The following RIT2 variants were observed in gnomAD, a reference collection of about 807,000 sequenced individuals.
The protein encoded by RIT2 is Ras like without CAAX 2.
A neutral mutation model predicts 23.7 loss-of-function variants in RIT2; 24 were observed. The ratio of observed to expected loss-of-function variants is 1.01; its 90% CI spans 0.73 to 1.43. The LOEUF (loss-of-function observed/expected upper bound fraction) is 1.43, where lower values mean the gene tolerates loss of function less well. RIT2 is among the 40% of genes most tolerant of loss of function. RIT2 has a pLI of 0.00. For missense variants in RIT2, 236 were observed against 266.9 expected (o/e 0.88, Z 0.81); for synonymous variants, 107 against 91.1 (o/e 1.17, Z -0.99).
At chr18:42,780,696 C>T (rs542743225) in intron 4 of RIT2, among the ~76,000 whole-genome samples, 1 of 152,148 alleles carries the variant, frequency 6.6e-6, no homozygotes, top group East Asian at 1.9e-4. Context: ...TATGTTTTGT[C>T]AGTCGTAATA....
At chr18:42,945,837 AC>A (rs1484772940) in intron 3 of RIT2, among the ~76,000 whole-genome samples, 5 of 152,136 alleles carry the variant, frequency 3.3e-5, no homozygotes, top group African/African-American at 1.2e-4. Context: ...TCAACAAATA[AC>A]AAAAAATACT....
At chr18:42,818,716 G>C (rs764757257) in intron 4 of RIT2, among the ~76,000 whole-genome samples, 8 of 152,008 alleles carry the variant, frequency 5.3e-5, no homozygotes, top group Admixed American at 2.0e-4. Flanking sequence ...AGAAGACACA[G>C]TCAATATAGC....
At chr18:42,831,199 A>G (rs1156976895) in intron 4 of RIT2, among the ~76,000 whole-genome samples, 6 of 152,186 alleles carry the variant, frequency 3.9e-5, no homozygotes, top group Non-Finnish European at 8.8e-5. Context: ...CTTTGTGTAT[A>G]CTATGAAAGG....
intron 3 of RIT2, among the ~76,000 whole-genome samples, chr18:42,934,569 T>C (rs928478355): frequency 1.3e-5 from 2 of 152,174 alleles, no homozygotes; most frequent in African/African-American, 2.4e-5. Flanking sequence ...AATAGTTTTT[T>C]CAAATTGTTA....
intron 4 of RIT2, among the ~76,000 whole-genome samples, chr18:42,869,175 G>C (rs1205884439): frequency 6.6e-6 from 1 of 152,198 alleles, no homozygotes; most frequent in Non-Finnish European, 1.5e-5. Context: ...TGTGGATGGT[G>C]GTGGGTATGG....
intron 1 of RIT2, among the ~76,000 whole-genome samples, chr18:43,081,820 A>C (rs28550022): frequency 0.1 from 15,873 of 152,184 alleles, 906 homozygotes; most frequent in Non-Finnish European, 0.11. Context: ...TTCAAAGCCT[A>C]TATCAATAGC....
At chr18:42,811,024 C>T (rs1483526384) in intron 4 of RIT2, among the ~76,000 whole-genome samples, 1 of 152,002 alleles carries the variant, frequency 6.6e-6, no homozygotes, top group Non-Finnish European at 1.5e-5. Flanking sequence ...ATGATAGACT[C>T]ATTCCTTTCA....
At chr18:43,092,233 T>C (rs1568079898) in intron 1 of RIT2, among the ~76,000 whole-genome samples, 2 of 152,112 alleles carry the variant, frequency 1.3e-5, no homozygotes, top group African/African-American at 4.8e-5. Flanking sequence ...AAGGACTCTG[T>C]AGAGCTCTGA....
At chr18:42,752,464 A>G (rs997295478) in intron 4 of RIT2, among the ~76,000 whole-genome samples, 3 of 152,188 alleles carry the variant, frequency 2.0e-5, no homozygotes, top group Non-Finnish European at 4.4e-5. Context: ...AGGCTCAGAA[A>G]GGTTAAGCAG....
At chr18:42,795,255 C>G (rs1211853896) in intron 4 of RIT2, among the ~76,000 whole-genome samples, 1 of 152,150 alleles carries the variant, frequency 6.6e-6, no homozygotes, top group Non-Finnish European at 1.5e-5. Flanking sequence ...GAGGGAGAGG[C>G]GCGAGCAGGA....
intron 3 of RIT2, among the ~76,000 whole-genome samples, chr18:42,926,930 C>T (rs1028218954): frequency 6.6e-6 from 1 of 151,842 alleles, no homozygotes; most frequent in African/African-American, 2.4e-5. Context: ...TGTTTTCTGA[C>T]ATGTCACATA....
chr18:43,083,038 G>C (rs1002906366), intron 1 of RIT2, among the ~76,000 whole-genome samples: 13 of 152,056 alleles, frequency 8.5e-5, no homozygotes, highest in African/African-American at 3.1e-4. Flanking sequence ...AAAGTCTCAG[G>C]ATACAAATTC....
intron 4 of RIT2, among the ~76,000 whole-genome samples, chr18:42,905,497 G>C (rs1285164168): frequency 1.3e-5 from 2 of 152,092 alleles, no homozygotes; most frequent in Non-Finnish European, 2.9e-5. Flanking sequence ...TTTTGAGACG[G>C]AGTCTCACTC....
intron 4 of RIT2, among the ~76,000 whole-genome samples, chr18:42,920,137 A>C (rs117917394): frequency 0.014 from 2,061 of 152,204 alleles, 25 homozygotes; most frequent in Non-Finnish European, 0.019. Context: ...AAACCCAAAG[A>C]ATTATTATCC....
intron 1 of RIT2, among the ~76,000 whole-genome samples, chr18:43,053,173 G>C (rs1235143234): frequency 3.3e-5 from 5 of 151,976 alleles, no homozygotes; most frequent in African/African-American, 1.2e-4. Flanking sequence ...GATTAGTTTA[G>C]GTAATGCTGT....
At chr18:43,047,582 T>C (rs1912277992) in intron 1 of RIT2, among the ~76,000 whole-genome samples, 1 of 151,980 alleles carries the variant, frequency 6.6e-6, no homozygotes, top group African/African-American at 2.4e-5. Context: ...TAGGAAAACA[T>C]AAAGAGAAAA....
chr18:42,807,286 A>C (rs1905710909), intron 4 of RIT2, among the ~76,000 whole-genome samples: 1 of 152,170 alleles, frequency 6.6e-6, no homozygotes, highest in Non-Finnish European at 1.5e-5. Flanking sequence ...AGCAGCCTTG[A>C]ATAAAGTCTT....
chr18:42,893,118 C>T (rs191579888), intron 4 of RIT2, among the ~76,000 whole-genome samples: 2 of 151,854 alleles, frequency 1.3e-5, no homozygotes, highest in Admixed American at 6.6e-5. Flanking sequence ...ATACCAGCTA[C>T]TCAGGAGGCT....
At chr18:42,935,620 G>A (rs1909435547) in intron 3 of RIT2, among the ~76,000 whole-genome samples, 1 of 152,130 alleles carries the variant, frequency 6.6e-6, no homozygotes, top group South Asian at 2.1e-4. Flanking sequence ...TACAGTGTCT[G>A]CTATAAGATA....
Sources: gnomAD v4.1 joint callset for allele counts (sites outside exome capture counted in the v4.1 genomes callset) on GRCh38, gnomAD v4.1.1 for gene constraint, MANE v1.5 for transcripts, NCBI Gene and HGNC (gene_info 2026-07-23, HGNC 2026-07-21) for gene names.